The following FAM171A1 variants were observed in gnomAD, a reference collection of about 807,000 sequenced individuals.
The protein encoded by FAM171A1 is family with sequence similarity 171 member A1, also known as protein FAM171A1.
Under a neutral mutation model 74.9 loss-of-function variants are expected in FAM171A1, and 23 were observed. That is an observed-to-expected ratio of 0.31 (90% CI 0.22 to 0.44). The LOEUF is 0.44. Among genes scored for constraint, FAM171A1 ranks in the 20% least tolerant of loss-of-function variants. The pLI, the probability that FAM171A1 is intolerant of heterozygous loss-of-function variation, is 1.00. For missense variants in FAM171A1, 1,162 were observed against 1,159.2 expected (o/e 1.00, Z -0.03); for synonymous variants, 527 against 505.7 (o/e 1.04, Z -0.57).
chr10:15,213,934 T>C lies in FAM171A1; in HGVS notation c.1654A>G (p.Thr552Ala). The change falls in exon 8 of 8, where the codon ACG (threonine) becomes GCG (alanine). Residue 552 changes from threonine (T) to alanine (A), a missense_variant. By Grantham distance (58) the Thr-to-Ala change is moderately conservative. Transcript: ENST00000378116. This position sits in a 1 kb window ranked among gnomAD's most constrained non-coding sequence, Gnocchi z 6.8. ...SRSVDHLERPTSFPRPGQLIC... is the reference protein window; with the variant it reads ...SRSVDHLERPASFPRPGQLIC... ...AACTGGCCGGGCCGTGGGAAGGACG[T>C]AGGTCTCTCGAGGTGATCTACTGAT... 1 of 1,614,184 alleles carries C rather than the reference T, an allele frequency of 6.2e-7. No homozygotes were observed. Among genetic ancestry groups the C allele is most frequent in the African/African-American group, 1.3e-5 (1 of 75,040 alleles).
chr10:15,225,618 G>A (rs894018298), intron 5 of FAM171A1, among the ~76,000 whole-genome samples: 1 of 152,172 alleles, frequency 6.6e-6, no homozygotes, highest in Admixed American at 6.5e-5. Flanking sequence ...CCAGGGCCAG[G>A]ATTCTTTACT....
At chr10:15,323,671 T>C (rs1267805465) in intron 1 of FAM171A1, among the ~76,000 whole-genome samples, 1 of 152,128 alleles carries the variant, frequency 6.6e-6, no homozygotes, top group East Asian at 1.9e-4. Context: ...GGCATCAGGC[T>C]AAAACAGCCC....
chr10:15,298,479 G>T (rs1290246435), intron 1 of FAM171A1, among the ~76,000 whole-genome samples: 1 of 152,164 alleles, frequency 6.6e-6, no homozygotes, highest in East Asian at 1.9e-4. Flanking sequence ...ATACTTAGAT[G>T]TAGCTTTAAA....
rs764070086 is a variant in FAM171A1 at position 15,213,068 on chromosome 10, C to T, written c.2520G>A (p.Ala840=). 2.9e-5 allele frequency: 47 copies of T among 1,613,498 alleles called. 1 individual carries two copies. The Admixed American group carries it at 6.8e-4, about 23-fold the overall frequency. ...SLQEETTRRT[A]DAPSEPAASP... The stretch of plus-strand genomic sequence containing the variant: ...TGGCTGCTGGCTCCGAGGGGGCATC[C>T]GCAGTCCGTCTGGTCGTCTCCTCCT... Residue 840 remains alanine (A), a synonymous_variant, in exon 8 of 8, where the codon GCG becomes GCA. Transcript: ENST00000378116. This position sits in a 1 kb window ranked among gnomAD's most constrained non-coding sequence, Gnocchi z 6.8.
At chr10:15,224,156 T>G (rs1452751240) in intron 5 of FAM171A1, among the ~76,000 whole-genome samples, 1 of 151,928 alleles carries the variant, frequency 6.6e-6, no homozygotes, top group East Asian at 1.9e-4. Flanking sequence ...TTAGTTTTGA[T>G]GAACAGGCAG....
At chr10:15,230,505 A>G (rs530123421) in intron 5 of FAM171A1, among the ~76,000 whole-genome samples, 2 of 152,372 alleles carry the variant, frequency 1.3e-5, no homozygotes, top group East Asian at 3.9e-4. Flanking sequence ...ATTGTAACCA[A>G]CGACCTTCTG....
chr10:15,303,073 C>T (rs551519977), intron 1 of FAM171A1, among the ~76,000 whole-genome samples: 51 of 152,060 alleles, frequency 3.4e-4, no homozygotes, highest in Middle Eastern at 3.4e-3. Context: ...CCTGTAATCC[C>T]AGCTACTTCG....
chr10:15,284,225 CA>C, intron 1 of FAM171A1, 120 bp from the exon 2 acceptor site: 1 of 821,308 alleles, frequency 1.2e-6, no homozygotes, highest in South Asian at 1.8e-5. Flanking sequence ...GGTTGACACT[CA>C]AAATATGCAG....
intron 3 of FAM171A1, among the ~76,000 whole-genome samples, chr10:15,264,121 G>C (rs1052529823): frequency 5.3e-5 from 8 of 151,906 alleles, no homozygotes; most frequent in African/African-American, 1.9e-4. Flanking sequence ...TGGGACTGTA[G>C]GCACACAACA....
In FAM171A1 at chr10:15,229,196, G is replaced by T. The variant is rs1028481932; in HGVS notation, c.755-8136C>A. On this transcript the variant is annotated intron_variant, in intron 5 of 7. Coordinates refer to ENST00000378116, the MANE Select transcript of FAM171A1 (RefSeq NM_001010924.2). The stretch of plus-strand genomic sequence containing the variant: ...AGAGATTTGGGAACATTTAGGGTGG[G>T]GGGCAAGGTCACTTGTGCTGGTGCA... Among the ~76,000 whole-genome samples, 22 of 152,144 alleles carry T rather than the reference G, an allele frequency of 1.4e-4. 1 individual carries two copies. Among genetic ancestry groups the T allele is most frequent in the African/African-American group, 5.3e-4 (22 of 41,438 alleles).
At chr10:15,319,308 G>A (rs755875664) in intron 1 of FAM171A1, among the ~76,000 whole-genome samples, 1 of 152,132 alleles carries the variant, frequency 6.6e-6, no homozygotes, top group African/African-American at 2.4e-5. Flanking sequence ...ATTACTAAGT[G>A]CCCAGGTGGG....
intron 1 of FAM171A1, among the ~76,000 whole-genome samples, chr10:15,299,860 C>T: frequency 6.6e-6 from 1 of 151,964 alleles, no homozygotes; most frequent in East Asian, 1.9e-4. Flanking sequence ...TGCCTGTAGT[C>T]CCAGCTACTT....
At position 15,275,856 on chromosome 10, in the gene FAM171A1, T is replaced by C. The variant is rs749708254; in HGVS notation, c.417A>G (p.Gln139=). 1 of 1,595,474 alleles carries C rather than the reference T, an allele frequency of 6.3e-7. No homozygotes were observed. Among genetic ancestry groups the C allele is most frequent in the South Asian group, 1.1e-5 (1 of 88,526 alleles). ...AACTGAAAAAAATATTAAATATACCTTGGAATCCTGATACTATTTGGACGA... is the reference window on the plus strand; with the variant it reads ...AACTGAAAAAAATATTAAATATACCCTGGAATCCTGATACTATTTGGACGA... ...EDVVQIVSGF[Q]GARPQPRVHF... is the part of the protein sequence containing the mutation. Residue 139 remains glutamine, a splice_region_variant and synonymous_variant, in exon 3 of 8, where the codon CAA becomes CAG. Transcript: ENST00000378116.
intron 1 of FAM171A1, among the ~76,000 whole-genome samples, chr10:15,299,807 T>C (rs1037891338): frequency 5.3e-5 from 8 of 152,000 alleles, no homozygotes; most frequent in South Asian, 2.1e-4. Flanking sequence ...TGAAACCCTG[T>C]CTCTCCTAAA....
At chr10:15,262,868 A>G (rs1288765888) in intron 3 of FAM171A1, among the ~76,000 whole-genome samples, 2 of 152,184 alleles carry the variant, frequency 1.3e-5, no homozygotes, top group South Asian at 2.1e-4. Flanking sequence ...GCAGGAGGAC[A>G]CTGCCATGTC....
intron 6 of FAM171A1, 152 bp downstream of exon 6, chr10:15,220,792 C>T (rs1192971313): frequency 3.1e-6 from 2 of 637,850 alleles, no homozygotes; most frequent in African/African-American, 3.7e-5. Context: ...CGCAAAATAC[C>T]TTCTTTACAT....
At chr10:15,352,784 C>A (rs1036414147) in intron 1 of FAM171A1, among the ~76,000 whole-genome samples, 1 of 152,210 alleles carries the variant, frequency 6.6e-6, no homozygotes, top group Non-Finnish European at 1.5e-5. Context: ...TTGAATGGTT[C>A]GCTCTGCCAA....
At chr10:15,230,645 T>TG (rs1228038736) in intron 5 of FAM171A1, among the ~76,000 whole-genome samples, 1 of 152,006 alleles carries the variant, frequency 6.6e-6, no homozygotes, top group Non-Finnish European at 1.5e-5. Flanking sequence ...AGCAACTGAT[T>TG]TTTTTTTCTT....
At chr10:15,351,119 T>C (rs1047924013) in intron 1 of FAM171A1, among the ~76,000 whole-genome samples, 10 of 152,196 alleles carry the variant, frequency 6.6e-5, no homozygotes, top group African/African-American at 2.2e-4. Context: ...GCTTCCTCCA[T>C]AGGAACTCGA....
Sources: allele counts gnomAD v4.1 joint callset (sites outside exome capture counted in the v4.1 genomes callset), GRCh38; gene constraint gnomAD v4.1.1; non-coding constraint Gnocchi (gnomAD v3.1); transcripts MANE v1.5; gene names NCBI Gene and HGNC (gene_info 2026-07-23, HGNC 2026-07-21).